Variants in LRRC4C observed in about 807,000 individuals in gnomAD.
LRRC4C encodes leucine-rich repeat-containing protein 4C.
A neutral mutation model predicts 33.6 loss-of-function variants in LRRC4C; 5 were observed. That is an observed-to-expected ratio of 0.15 (90% CI 0.08 to 0.31). LRRC4C has a LOEUF of 0.31. LRRC4C is among the 10% of genes least tolerant of loss of function. The probability of loss-of-function intolerance (pLI) is 1.00; values close to 1 mark genes in which losing one functional copy is unlikely to be tolerated. For missense variants in LRRC4C, 560 were observed against 796.7 expected (o/e 0.70, Z 3.58); for synonymous variants, 329 against 302.0 (o/e 1.09, Z -0.93).
intron 2 of LRRC4C, among the ~76,000 whole-genome samples, chr11:40,928,012 C>T (rs1957467941): frequency 6.6e-6 from 1 of 151,806 alleles, no homozygotes; most frequent in Admixed American, 6.6e-5. Context: ...ACTTTTATGA[C>T]CTAAAACATT....
At chr11:40,753,435 C>A (rs1046277029) in intron 2 of LRRC4C, among the ~76,000 whole-genome samples, 1 of 150,474 alleles carries the variant, frequency 6.6e-6, no homozygotes, top group East Asian at 2.0e-4. Flanking sequence ...AAAAAAAATA[C>A]ATAAAAAACC....
chr11:41,119,702 T>C (rs781632001), intron 1 of LRRC4C, among the ~76,000 whole-genome samples: 1 of 152,198 alleles, frequency 6.6e-6, no homozygotes, highest in Non-Finnish European at 1.5e-5. Context: ...CTCATGACTT[T>C]CAGGATTATG....
chr11:40,171,837 A>C (rs113386969), intron 5 of LRRC4C, among the ~76,000 whole-genome samples: 8 of 152,294 alleles, frequency 5.3e-5, no homozygotes, highest in African/African-American at 1.9e-4. Context: ...CCATGCAGCA[A>C]AACGTTGGCC....
At chr11:41,119,735 C>T (rs1354556949) in intron 1 of LRRC4C, among the ~76,000 whole-genome samples, 1 of 152,152 alleles carries the variant, frequency 6.6e-6, no homozygotes, top group Non-Finnish European at 1.5e-5. Context: ...CCTGTGATGG[C>T]TTTCATGTTT....
At chr11:41,204,368 C>T (rs551107828) in intron 1 of LRRC4C, among the ~76,000 whole-genome samples, 3 of 152,272 alleles carry the variant, frequency 2.0e-5, no homozygotes, top group East Asian at 1.9e-4. Flanking sequence ...AACAGTTAAC[C>T]TCTTGGGTGT....
chr11:41,290,250 G>A (rs180727686), intron 1 of LRRC4C, among the ~76,000 whole-genome samples: 1 of 152,270 alleles, frequency 6.6e-6, no homozygotes, highest in Non-Finnish European at 1.5e-5. Context: ...TTAATGCAAT[G>A]ACAGGGCAAT....
intron 5 of LRRC4C, among the ~76,000 whole-genome samples, chr11:40,223,375 G>A (rs553657095): frequency 1.3e-5 from 2 of 152,100 alleles, no homozygotes; most frequent in African/African-American, 4.8e-5. Flanking sequence ...GTGATTCAGG[G>A]ACCTACAGCA....
intron 1 of LRRC4C, among the ~76,000 whole-genome samples, chr11:41,112,500 A>T (rs1214210491): frequency 6.6e-6 from 1 of 152,172 alleles, no homozygotes; most frequent in Non-Finnish European, 1.5e-5. Context: ...ACTATATTCC[A>T]AATTGAATCA....
intron 3 of LRRC4C, among the ~76,000 whole-genome samples, chr11:40,462,545 T>C (rs926230750): frequency 3.2e-4 from 48 of 152,050 alleles, no homozygotes; most frequent in African/African-American, 1.2e-3. Flanking sequence ...GTAAACCTAT[T>C]GAGATAAGAA....
At chr11:40,321,215 G>A (rs1689045716) in intron 3 of LRRC4C, among the ~76,000 whole-genome samples, 1 of 152,022 alleles carries the variant, frequency 6.6e-6, no homozygotes, top group Non-Finnish European at 1.5e-5. Flanking sequence ...TCTTCCAGAG[G>A]GAAAAAGGTA....
chr11:41,102,041 C>T (rs1941220448), intron 1 of LRRC4C, among the ~76,000 whole-genome samples: 1 of 151,876 alleles, frequency 6.6e-6, no homozygotes, highest in Admixed American at 6.6e-5. Context: ...ATACTAGGCT[C>T]AGTTACTTGG....
At chr11:40,333,717 C>CAAAAA (rs60450935) in intron 3 of LRRC4C, among the ~76,000 whole-genome samples, 1 of 78,502 alleles carries the variant, frequency 1.3e-5, no homozygotes, top group Non-Finnish European at 2.3e-5. Flanking sequence ...GACTTTGTCT[C>CAAAAA]AAAAAAAAAA....
At chr11:40,481,351 A>C (rs1420855276) in intron 3 of LRRC4C, among the ~76,000 whole-genome samples, 1 of 152,118 alleles carries the variant, frequency 6.6e-6, no homozygotes, top group Non-Finnish European at 1.5e-5. Context: ...AATATTTTAT[A>C]TTCTGGCCAA....
intron 3 of LRRC4C, among the ~76,000 whole-genome samples, chr11:40,611,738 C>A (rs1454413248): frequency 6.6e-6 from 1 of 151,714 alleles, no homozygotes; most frequent in African/African-American, 2.4e-5. Context: ...AAAAGACATA[C>A]AAATGGCCAA....
chr11:40,911,268 C>T (rs1412407112), intron 2 of LRRC4C, among the ~76,000 whole-genome samples: 3 of 152,192 alleles, frequency 2.0e-5, no homozygotes, highest in Admixed American at 2.0e-4. Context: ...TCCCTGAACC[C>T]CGAGTAGCCC....
At chr11:41,446,730 G>A (rs149334969) in intron 1 of LRRC4C, among the ~76,000 whole-genome samples, 1,596 of 152,250 alleles carry the variant, frequency 0.01, 10 homozygotes, top group Admixed American at 0.018. Context: ...CTTTCATGGG[G>A]TGTCATATTG....
At chr11:40,474,116 A>G (rs1953083363) in intron 3 of LRRC4C, among the ~76,000 whole-genome samples, 1 of 152,186 alleles carries the variant, frequency 6.6e-6, no homozygotes, top group African/African-American at 2.4e-5. Context: ...TAAATTTCAT[A>G]CAAAACCAAG....
intron 1 of LRRC4C, among the ~76,000 whole-genome samples, chr11:41,163,292 T>TTTTTTTA (rs1465031369): frequency 8.5e-6 from 1 of 117,028 alleles, no homozygotes; most frequent in East Asian, 2.5e-4. Flanking sequence ...CTGTTTTTTT[T>TTTTTTTA]TTTTTTTTTC....
intron 1 of LRRC4C, among the ~76,000 whole-genome samples, chr11:40,969,201 G>A (rs1851551747): frequency 6.6e-6 from 1 of 152,134 alleles, no homozygotes; most frequent in Non-Finnish European, 1.5e-5. Context: ...AAGAGAACTA[G>A]AATTAGAAGT....
Sources: allele counts gnomAD v4.1 joint callset (sites outside exome capture counted in the v4.1 genomes callset), GRCh38; gene constraint gnomAD v4.1.1; transcripts MANE v1.5; gene names NCBI Gene and HGNC (gene_info 2026-07-23, HGNC 2026-07-21).